Variants in PLCH1 observed in about 807,000 individuals in gnomAD.
PLCH1 encodes 1-phosphatidylinositol 4,5-bisphosphate phosphodiesterase eta-1.
PLCH1 carries 60 observed loss-of-function variants against 126.7 expected under a neutral mutation model. The ratio of observed to expected loss-of-function variants is 0.47; its 90% CI spans 0.38 to 0.59. The LOEUF is 0.59. PLCH1 is among the 20% of genes least tolerant of loss of function. The pLI is 0.00. For synonymous variants in PLCH1, 719 were observed against 734.9 expected (o/e 0.98, Z 0.35); for missense variants, 1,723 against 2,040.0 (o/e 0.84, Z 2.99).
intron 2 of PLCH1, among the ~76,000 whole-genome samples, chr3:155,697,148 T>G (rs898873547): frequency 6.6e-6 from 1 of 152,200 alleles, no homozygotes. Flanking sequence ...TAGAGGCTGA[T>G]ACACCTCAAC....
In PLCH1 at chr3:155,495,025, TATAAAA is replaced by T. The variant is rs1413668676; in HGVS notation, c.1895-514_1895-509del. 3.3e-5 allele frequency among the ~76,000 whole-genome samples: 5 copies of T among 151,982 alleles called. No homozygotes were observed. In the East Asian group the frequency reaches 7.7e-4, roughly 23 times the overall value. On this transcript the variant is annotated intron_variant, in intron 15 of 22. Coordinates refer to ENST00000460012, the MANE Select transcript of PLCH1 (RefSeq NM_014996.4). Reference sequence around the variant, plus strand: ...AAGAAAATAAAGGAAAATGAACAATTATAAAAATAAAAAGTTGAGTTTTAAAGTTGC... The same window carrying T: ...AAGAAAATAAAGGAAAATGAACAATTATAAAAAGTTGAGTTTTAAAGTTGC...
At chr3:155,471,264 A>T (rs1273675393) in intron 21 of PLCH1, among the ~76,000 whole-genome samples, 1 of 152,210 alleles carries the variant, frequency 6.6e-6, no homozygotes, top group East Asian at 1.9e-4. Context: ...AAAAAAAGGC[A>T]GGGGTTGCAA....
At chr3:155,734,743 C>G (rs1223218493) in intron 1 of PLCH1, among the ~76,000 whole-genome samples, 3 of 147,788 alleles carry the variant, frequency 2.0e-5, no homozygotes, top group African/African-American at 5.0e-5. Context: ...GAGTCTCGCT[C>G]TGTCGCCCAG....
At chr3:155,701,172 G>A (rs1323821913) in intron 2 of PLCH1, among the ~76,000 whole-genome samples, 33 of 152,154 alleles carry the variant, frequency 2.2e-4, no homozygotes. Flanking sequence ...GAAATAGTAG[G>A]TAGATAAAAG....
Position 155,598,950 on chromosome 3 carries a change from T to C in PLCH1, c.80-2572A>G, listed in dbSNP as rs534791728. Among the ~76,000 whole-genome samples, 14 of 151,582 alleles carry C rather than the reference T, an allele frequency of 9.2e-5. No individual in the cohort carries two copies. In the South Asian group the frequency reaches 2.9e-3, roughly 32 times the overall value. On this transcript the variant is annotated intron_variant, in intron 2 of 22. Transcript: ENST00000460012. Reference sequence around the variant, plus strand: ...GAGTGGTAATTAGAAACAGATGAGGTCATGCAAGTGGGGCCCCATGATCTC... The same window carrying C: ...GAGTGGTAATTAGAAACAGATGAGGCCATGCAAGTGGGGCCCCATGATCTC...
intron 4 of PLCH1, among the ~76,000 whole-genome samples, chr3:155,587,440 A>G (rs1462571372): frequency 1.3e-5 from 2 of 152,216 alleles, no homozygotes; most frequent in Admixed American, 6.5e-5. Context: ...AAAAATTAGT[A>G]TGAGAACCAG....
At chr3:155,640,801 T>A (rs533189487) in intron 2 of PLCH1, among the ~76,000 whole-genome samples, 16 of 152,268 alleles carry the variant, frequency 1.1e-4, no homozygotes, top group Admixed American at 6.5e-4. Context: ...GTTTCCAATA[T>A]TTAATAGTGC....
rs1283885369 is a variant in PLCH1 at position 155,504,619 on chromosome 3, T to A, written c.1640A>T (p.Asp547Val). 1.9e-6 allele frequency: 3 copies of A among 1,598,688 alleles called. No individual in the cohort carries two copies. Among genetic ancestry groups the A allele is most frequent in the South Asian group, 1.1e-5 (1 of 90,754 alleles). ...GLNAHLKQSP[D>V]VKESGKKSHG... ...TGATTTCTTTCCACTTTCCTTTACA[T>A]CTGGACTCTGAATAAATAAAGGCAT... The change falls in exon 13 of 23, where the codon GAT (aspartate) becomes GTT (valine). Residue 547 changes from aspartate to valine, a missense_variant. By Grantham distance (152) the Asp-to-Val change is radical. Around this residue, in one of 2 missense-constraint regions of PLCH1, gnomAD observed 776 missense variants for 1,062.9 expected, o/e 0.73. Transcript: ENST00000460012.
intron 10 of PLCH1, among the ~76,000 whole-genome samples, chr3:155,529,314 T>A (rs949439395): frequency 2.0e-5 from 3 of 152,118 alleles, no homozygotes; most frequent in Non-Finnish European, 4.4e-5. Context: ...GCGATTCACA[T>A]CTGTAAAAGC....
intron 21 of PLCH1, among the ~76,000 whole-genome samples, chr3:155,467,143 G>A (rs529128363): frequency 6.6e-6 from 1 of 151,544 alleles, no homozygotes; most frequent in South Asian, 2.1e-4. Context: ...AATACAAAAG[G>A]TTATAGAACA....
intron 2 of PLCH1, among the ~76,000 whole-genome samples, chr3:155,603,776 G>GAT (rs1238298220): frequency 6.6e-6 from 1 of 152,038 alleles, no homozygotes; most frequent in Non-Finnish European, 1.5e-5. Flanking sequence ...CTACAGACAT[G>GAT]ATTTTTTTTT....
chr3:155,622,798 C>T (rs1438817587), intron 2 of PLCH1, among the ~76,000 whole-genome samples: 2 of 152,096 alleles, frequency 1.3e-5, no homozygotes, highest in Non-Finnish European at 2.9e-5. Context: ...ACTTACACTC[C>T]CACAGAATAA....
At chr3:155,743,575 T>C (rs1749774776) in intron 1 of PLCH1, 1 of 453,420 alleles carries the variant, frequency 2.2e-6, no homozygotes. Context: ...TTGAGAAAAC[T>C]GGCTTCTGTT....
In PLCH1 at chr3:155,515,538, A is replaced by G. The variant is rs1173913364; in HGVS notation, c.1471-654T>C. Among the ~76,000 whole-genome samples the G allele has an allele frequency of 2.6e-5, 4 of 152,360 alleles. No homozygotes were observed. In the East Asian group the frequency reaches 5.8e-4, roughly 22 times the overall value. On this transcript the variant is annotated intron_variant, in intron 11 of 22. Transcript: ENST00000460012. ...ACCTCAGCCATGATTTGTCATTACA[A>G]TTACTTTAAGATCACAACAAATTTC...
At chr3:155,706,838 C>G (rs1746712734) in intron 1 of PLCH1, among the ~76,000 whole-genome samples, 2 of 152,042 alleles carry the variant, frequency 1.3e-5, no homozygotes, top group Admixed American at 1.3e-4. Flanking sequence ...ACCCAGCTAC[C>G]ACACTGTAAG....
chr3:155,650,128 C>G (rs1489716380), intron 2 of PLCH1, among the ~76,000 whole-genome samples: 1 of 151,778 alleles, frequency 6.6e-6, no homozygotes, highest in Non-Finnish European at 1.5e-5. Flanking sequence ...AGTCATGAAA[C>G]TAATAAAAAT....
chr3:155,474,039 C>T (rs1399473816), intron 21 of PLCH1, among the ~76,000 whole-genome samples: 1 of 152,102 alleles, frequency 6.6e-6, no homozygotes, highest in African/African-American at 2.4e-5. Flanking sequence ...GTCTAAAACA[C>T]CAAAAGCAGT....
rs1175491540 is a variant in PLCH1 at position 155,645,654 on chromosome 3, T to G, written c.80-49276A>C. 2.0e-5 allele frequency among the ~76,000 whole-genome samples: 3 copies of G among 151,824 alleles called. No individual in the cohort carries two copies. In the East Asian group the frequency reaches 5.8e-4, roughly 30 times the overall value. ...TGCCACCATGCCCAGCTTTTTTCTT[T>G]TTTTTCAGTAGTGACCAGGTCTCAC... On this transcript the variant is annotated intron_variant, in intron 2 of 22. Transcript: ENST00000460012.
At chr3:155,718,481 G>C (rs896075714) in intron 1 of PLCH1, among the ~76,000 whole-genome samples, 2 of 152,152 alleles carry the variant, frequency 1.3e-5, no homozygotes, top group Admixed American at 1.3e-4. Flanking sequence ...AAATACCTCA[G>C]ATTGGGTAAT....
Sources: allele counts gnomAD v4.1 joint callset (sites outside exome capture counted in the v4.1 genomes callset), GRCh38; gene constraint gnomAD v4.1.1; regional missense constraint gnomAD v4.1.1; transcripts MANE v1.5; gene names NCBI Gene and HGNC (gene_info 2026-07-23, HGNC 2026-07-21).